Variants in CCZ1 observed in about 807,000 individuals in gnomAD.
CCZ1 encodes the protein CCZ1 vacuolar protein trafficking and biogenesis associated.
In CCZ1, 19 loss-of-function variants were observed where a neutral mutation model predicts 57.8. That is an observed-to-expected ratio of 0.33 (90% CI 0.23 to 0.48). The LOEUF is 0.48. Ranked by LOEUF, CCZ1 falls within the 20% of genes least tolerant of loss-of-function variation. The probability of loss-of-function intolerance (pLI) is 0.99; values close to 1 mark genes in which losing one functional copy is unlikely to be tolerated. For missense variants in CCZ1, 200 were observed against 492.0 expected (o/e 0.41, Z 5.61); for synonymous variants, 81 against 167.0 (o/e 0.49, Z 3.97).
At chr7:5,909,916 A>G (rs1781929359) in intron 7 of CCZ1, 119 bp from the exon 8 acceptor site, 1 of 716,444 alleles carries the variant, frequency 1.4e-6, no homozygotes, top group Non-Finnish European at 2.4e-6. Flanking sequence ...GTTAGAATTT[A>G]TTCTGTGTTA....
At chr7:5,923,129 CA>C (rs1779279492) in intron 12 of CCZ1, among the ~76,000 whole-genome samples, 1 of 111,042 alleles carries the variant, frequency 9.0e-6, no homozygotes, top group Non-Finnish European at 1.8e-5. Flanking sequence ...CCATCCTGGC[CA>C]ACATGGTGAA....
chr7:5,922,998 G>A (rs1284387579), intron 12 of CCZ1, among the ~76,000 whole-genome samples: 1 of 146,938 alleles, frequency 6.8e-6, no homozygotes, highest in East Asian at 2.0e-4. Flanking sequence ...TGGCAATGGC[G>A]AGGTTCCCGT....
chr7:5,922,852 A>G (rs1168130569), intron 12 of CCZ1, among the ~76,000 whole-genome samples: 3 of 149,544 alleles, frequency 2.0e-5, no homozygotes, highest in African/African-American at 7.6e-5. Context: ...ACTCTCCTCA[A>G]GCAGGGGTCA....
chr7:5,901,374 T>G (rs987669716), intron 4 of CCZ1: 15 of 299,784 alleles, frequency 5.0e-5, no homozygotes, highest in African/African-American at 7.4e-5. Flanking sequence ...CATCCCGGCT[T>G]CTCAGGAGGC....
rs1473757913 is a variant in CCZ1, at chr7:5,921,113, TAG to T, written c.1106+1151_1106+1152del. ...TGCCATCATGCCTGGCTAATTTTTG[TAG>T]AGACTGGGTTTTACCATGTTGGTCA... On this transcript the variant is annotated intron_variant, in intron 12 of 14. Coordinates refer to ENST00000325974, the MANE Select transcript of CCZ1 (RefSeq NM_015622.6). Among the ~76,000 whole-genome samples, 2 of 105,934 alleles carry T rather than the reference TAG, an allele frequency of 1.9e-5. 1 individual carries two copies. The highest frequency in any genetic ancestry group is 3.9e-5 in the Non-Finnish European group (2 of 51,890). The allele number at this position is 105,934 out of a possible 152,430, so 69.5% of individuals were successfully genotyped here. A position where few individuals can be genotyped will look rare whatever the true frequency, so the allele number is the denominator to read the frequency against.
Position 5,904,333 on chromosome 7 carries a change from G to A in CCZ1, c.523-761G>A, listed in dbSNP as rs1424287751. Reference sequence around the variant, plus strand: ...ACTCCTGACCTCAAGTGATGTGCCCGCCTTGGCCTCCCAAAGGGCTGGGAT... The same window carrying A: ...ACTCCTGACCTCAAGTGATGTGCCCACCTTGGCCTCCCAAAGGGCTGGGAT... On this transcript the variant is annotated intron_variant, in intron 6 of 14. Coordinates refer to ENST00000325974, the MANE Select transcript of CCZ1 (RefSeq NM_015622.6). 7.4e-4 allele frequency among the ~76,000 whole-genome samples: 106 copies of A among 143,312 alleles called. 7 individuals are homozygous for A. The highest frequency in any genetic ancestry group is 2.5e-3 in the African/African-American group (93 of 37,532). 94.0% of individuals were successfully genotyped at this position (143,312 alleles called of 152,430 possible). A position where few individuals can be genotyped will look rare whatever the true frequency, so the allele number is the denominator to read the frequency against.
At chr7:5,901,406 A>C (rs1781681511) in intron 4 of CCZ1, 1 of 413,242 alleles carries the variant, frequency 2.4e-6, no homozygotes. Flanking sequence ...AATCGCTTGA[A>C]CCGGGGACGC....
At chr7:5,916,397 C>T (rs1320779256) in intron 10 of CCZ1, among the ~76,000 whole-genome samples, 10 of 131,096 alleles carry the variant, frequency 7.6e-5, no homozygotes, top group Admixed American at 3.0e-4. Context: ...GGGGAAGAGG[C>T]GTGTGGGGCA....
At position 5,909,781 on chromosome 7, in the gene CCZ1, G is replaced by C. The variant is rs569053238; in HGVS notation, c.699-254G>C. On this transcript the variant is annotated intron_variant, in intron 7 of 14. Coordinates refer to ENST00000325974, the MANE Select transcript of CCZ1 (RefSeq NM_015622.6). Reference sequence around the variant, plus strand: ...AAATTCTTTGGAAAAGTTTGACAAAGTATACCACGTAAATTCAGATTTACC... The same window carrying C: ...AAATTCTTTGGAAAAGTTTGACAAACTATACCACGTAAATTCAGATTTACC... Among the ~76,000 whole-genome samples, 11 of 149,836 alleles carry C rather than the reference G, an allele frequency of 7.3e-5. No individual in the cohort carries two copies. The South Asian group carries it at 2.4e-3, about 32-fold the overall frequency.
intron 7 of CCZ1, among the ~76,000 whole-genome samples, chr7:5,907,450 C>T (rs1224353629): frequency 6.7e-6 from 1 of 148,530 alleles, no homozygotes; most frequent in Admixed American, 6.6e-5. Context: ...GCCTTGCTTC[C>T]ACCAAAAAGA....
At chr7:5,899,381 GTGGT>G (rs1487695953) in intron 1 of CCZ1, among the ~76,000 whole-genome samples, 422 of 93,920 alleles carry the variant, frequency 4.5e-3, no homozygotes, top group African/African-American at 0.01. Flanking sequence ...GTGTGTGTGT[GTGGT>G]TTTTCTGAGG....
Position 5,926,178 on chromosome 7 carries a change from T to TG in CCZ1, c.*498dup, listed in dbSNP as rs200746755. The TG allele has an allele frequency of 2.4e-3, 1,081 of 455,048 alleles. 2 individuals carry two copies. The highest frequency in any genetic ancestry group is 0.022 in the East Asian group (632 of 29,014). The allele number at this position is 455,048 out of a possible 1,614,324, so 28.2% of individuals were successfully genotyped here. On this transcript the variant is annotated 3_prime_UTR_variant, in exon 15 of 15. Transcript: ENST00000325974. ...GGCTGATGTTTTAATTTTGCAGAGA[T>TG]GGGGGGGTCTCACTATGTTGCCCAG...
Position 5,914,614 on chromosome 7 carries a change from G to A in CCZ1, c.954+1660G>A, listed in dbSNP as rs182919003. 1.3e-3 allele frequency among the ~76,000 whole-genome samples: 200 copies of A among 149,152 alleles called. 15 individuals carry two copies. Among genetic ancestry groups the A allele is most frequent in the African/African-American group, 4.6e-3 (186 of 40,288 alleles). ...CATTAGCCAGGGCATGGTGGCTCATGCCTATATCCCAACACTTTGGGAGGC... is the reference window on the plus strand; with the variant it reads ...CATTAGCCAGGGCATGGTGGCTCATACCTATATCCCAACACTTTGGGAGGC... On this transcript the variant is annotated intron_variant, in intron 10 of 14. Transcript: ENST00000325974.
intron 7 of CCZ1, among the ~76,000 whole-genome samples, chr7:5,905,972 G>T (rs1487262493): frequency 7.4e-6 from 1 of 135,212 alleles, no homozygotes; most frequent in East Asian, 2.7e-4. Context: ...CAAACTCCTG[G>T]CCTCAAGCGA....
chr7:5,909,237 G>T (rs1781909558), intron 7 of CCZ1, among the ~76,000 whole-genome samples: 1 of 149,168 alleles, frequency 6.7e-6, no homozygotes, highest in Non-Finnish European at 1.5e-5. Flanking sequence ...TCGCAGTCAG[G>T]TGGTGAGCCT....
Position 5,902,668 on chromosome 7 carries a change from A to G in CCZ1, c.446A>G (p.Asn149Ser), listed in dbSNP as rs1781711120. Reference sequence around the variant, plus strand: ...AATCTTTTACCTCACTAGCTTTTTAATGGTACATTTCTGAAAGCCATGGAA... The same window carrying G: ...AATCTTTTACCTCACTAGCTTTTTAGTGGTACATTTCTGAAAGCCATGGAA... ...RQCYSMYKLF[N>S]GTFLKAMEDG... Residue 149 changes from asparagine (N) to serine (S), a missense_variant, in exon 6 of 15, where the codon AAT becomes AGT. Physicochemically the swap from Asn to Ser is conservative, Grantham distance 46. This residue lies in a region of CCZ1 where 128 missense variants were observed against 178.4 expected (regional missense o/e 0.72). Coordinates refer to ENST00000325974, the MANE Select transcript of CCZ1 (RefSeq NM_015622.6). 1 of 1,587,036 alleles carries G rather than the reference A, an allele frequency of 6.3e-7. No individual in the cohort carries two copies.
At position 5,900,215 on chromosome 7, in the gene CCZ1, C is replaced by T. The variant is rs1007204842; in HGVS notation, c.121-69C>T. On this transcript the variant is annotated intron_variant, in intron 1 of 14. Coordinates refer to ENST00000325974, the MANE Select transcript of CCZ1 (RefSeq NM_015622.6). ...TGTGACACAAGAGGTCGACATTGAA[C>T]TTAGCGTTTTCAATAGCTAAGATGA... The T allele has an allele frequency of 6.4e-6, 9 of 1,401,118 alleles. No homozygotes were observed. In the African/African-American group the frequency reaches 1.0e-4, roughly 16 times the overall value. The allele number at this position is 1,401,118 out of a possible 1,614,324, so 86.8% of individuals were successfully genotyped here. A position where few individuals can be genotyped will look rare whatever the true frequency, so the allele number is the denominator to read the frequency against.
At chr7:5,909,776 A>G (rs2128612344) in intron 7 of CCZ1, among the ~76,000 whole-genome samples, 1 of 149,952 alleles carries the variant, frequency 6.7e-6, no homozygotes, top group South Asian at 2.1e-4. Flanking sequence ...GAAAAGTTTG[A>G]CAAAGTATAC....
chr7:5,902,874 G>C (rs1384714724), intron 6 of CCZ1, 130 bp downstream of exon 6: 4 of 1,175,994 alleles, frequency 3.4e-6, no homozygotes, highest in Non-Finnish European at 4.6e-6. Context: ...GCCTGAGACA[G>C]ACCGTCGCAA....
Sources: gnomAD v4.1 joint callset for allele counts (sites outside exome capture counted in the v4.1 genomes callset) on GRCh38, gnomAD v4.1.1 for gene constraint, gnomAD v4.1.1 regional missense constraint, MANE v1.5 for transcripts, NCBI Gene and HGNC (gene_info 2026-07-23, HGNC 2026-07-21) for gene names.